NEGR1: variants seen among roughly 807,000 people sequenced by gnomAD.
NEGR1 encodes the protein IgLON family member 4.
NEGR1 carries 10 observed loss-of-function variants against 40.9 expected under a neutral mutation model. The observed-to-expected ratio is 0.24, with a 90% CI of 0.15 to 0.42. The LOEUF (loss-of-function observed/expected upper bound fraction) is 0.42, where lower values mean the gene tolerates loss of function less well. NEGR1 is among the 10% of genes least tolerant of loss of function. The pLI is 1.00. For synonymous variants in NEGR1, 185 were observed against 166.8 expected (o/e 1.11, Z -0.84); for missense variants, 352 against 438.9 (o/e 0.80, Z 1.77).
chr1:71,638,679 T>G (rs1054615731), intron 4 of NEGR1, among the ~76,000 whole-genome samples: 1 of 152,026 alleles, frequency 6.6e-6, no homozygotes, highest in East Asian at 1.9e-4. Context: ...AGAAGTAAGG[T>G]GTCTAAGGTC....
At chr1:71,666,679 TTTG>T (rs753048624) in intron 4 of NEGR1, among the ~76,000 whole-genome samples, 6 of 152,178 alleles carry the variant, frequency 3.9e-5, no homozygotes, top group Non-Finnish European at 7.4e-5. Flanking sequence ...TCACTCTCCT[TTTG>T]TTCTGTAAAT....
chr1:71,636,870 C>T (rs1321040680), intron 4 of NEGR1, among the ~76,000 whole-genome samples: 1 of 151,938 alleles, frequency 6.6e-6, no homozygotes, highest in African/African-American at 2.4e-5. Flanking sequence ...TTGCCACATA[C>T]CCAAGGTACT....
intron 6 of NEGR1, among the ~76,000 whole-genome samples, chr1:71,528,686 T>G (rs981168050): frequency 1.3e-5 from 2 of 151,320 alleles, no homozygotes; most frequent in African/African-American, 4.8e-5. Context: ...TAAATTCTGT[T>G]TTTTCAAAAA....
At chr1:71,416,449 C>A (rs770732801) in intron 6 of NEGR1, among the ~76,000 whole-genome samples, 1 of 151,974 alleles carries the variant, frequency 6.6e-6, no homozygotes, top group South Asian at 2.1e-4. Context: ...TTTGAATATT[C>A]CATTTACCTT....
At chr1:72,042,765 G>T (rs986275858) in intron 1 of NEGR1, among the ~76,000 whole-genome samples, 1 of 151,956 alleles carries the variant, frequency 6.6e-6, no homozygotes, top group African/African-American at 2.4e-5. Flanking sequence ...AGATGTAGTA[G>T]GACACATTAG....
chr1:71,537,364 C>T (rs1409500539), intron 6 of NEGR1, among the ~76,000 whole-genome samples: 2 of 151,612 alleles, frequency 1.3e-5, no homozygotes, highest in African/African-American at 2.4e-5. Flanking sequence ...TCTATAATTA[C>T]TTAAATGGGG....
intron 4 of NEGR1, among the ~76,000 whole-genome samples, chr1:71,624,764 C>T (rs114555573): frequency 0.026 from 3,889 of 152,036 alleles, 107 homozygotes; most frequent in Admixed American, 0.071. Flanking sequence ...GAGGTGCTCC[C>T]TGACCTCCTA....
intron 2 of NEGR1, among the ~76,000 whole-genome samples, chr1:71,844,187 TA>T (rs1659329317): frequency 6.6e-6 from 1 of 152,144 alleles, no homozygotes; most frequent in Non-Finnish European, 1.5e-5. Flanking sequence ...GGTATACCAT[TA>T]ATCAAACTAA....
Position 71,596,105 on chromosome 1 carries a change from C to T in NEGR1, c.789-3137G>A, listed in dbSNP as rs1019605162. ...TAGAGCTCGGAGTTAAATATGACAT[C>T]CATTTCTTCAGCATAGATCAGTACT... On this transcript the variant is annotated intron_variant, in intron 5 of 6. Coordinates refer to ENST00000357731, the MANE Select transcript of NEGR1 (RefSeq NM_173808.3). Among the ~76,000 whole-genome samples, 7 of 149,526 alleles carry T rather than the reference C, an allele frequency of 4.7e-5. No homozygotes were observed. The East Asian group carries it at 9.8e-4, about 21-fold the overall frequency.
chr1:72,173,141 G>T (rs905960400), intron 1 of NEGR1, among the ~76,000 whole-genome samples: 1 of 151,066 alleles, frequency 6.6e-6, no homozygotes, highest in Non-Finnish European at 1.5e-5. Context: ...CAAGTAGCTG[G>T]GACTACAGGT....
intron 3 of NEGR1, among the ~76,000 whole-genome samples, chr1:71,736,617 A>G (rs1185385715): frequency 1.3e-5 from 2 of 152,154 alleles, no homozygotes; most frequent in African/African-American, 4.8e-5. Flanking sequence ...TCCTCAAGTC[A>G]TGAAGTAATC....
At chr1:72,017,167 G>C (rs1374327136) in intron 1 of NEGR1, among the ~76,000 whole-genome samples, 1 of 149,510 alleles carries the variant, frequency 6.7e-6, no homozygotes, top group Non-Finnish European at 1.5e-5. Context: ...TAAACCAAAG[G>C]GAGCTTAAAG....
intron 2 of NEGR1, among the ~76,000 whole-genome samples, chr1:71,931,051 C>T (rs1359205423): frequency 6.6e-6 from 1 of 152,150 alleles, no homozygotes; most frequent in Non-Finnish European, 1.5e-5. Flanking sequence ...ACTACACTCC[C>T]AGGTTCTAGA....
intron 1 of NEGR1, among the ~76,000 whole-genome samples, chr1:72,179,423 G>A (rs934963493): frequency 3.3e-5 from 5 of 152,042 alleles, no homozygotes; most frequent in African/African-American, 1.2e-4. Context: ...GCAGTTATTT[G>A]TTACATAGTA....
At chr1:71,623,467 C>G (rs896493569) in intron 4 of NEGR1, among the ~76,000 whole-genome samples, 1 of 151,908 alleles carries the variant, frequency 6.6e-6, no homozygotes, top group Non-Finnish European at 1.5e-5. Context: ...AACCAGTGTG[C>G]TTTATCCATG....
chr1:71,919,940 C>T (rs1645687614), intron 2 of NEGR1, among the ~76,000 whole-genome samples: 1 of 152,160 alleles, frequency 6.6e-6, no homozygotes, highest in African/African-American at 2.4e-5. Flanking sequence ...CCCCTGGCAG[C>T]TTCTTAATCT....
At chr1:71,829,131 G>A (rs932928931) in intron 2 of NEGR1, among the ~76,000 whole-genome samples, 9 of 152,002 alleles carry the variant, frequency 5.9e-5, no homozygotes, top group African/African-American at 2.2e-4. Context: ...TGAGTTTGCA[G>A]GATATAGGAG....
intron 2 of NEGR1, among the ~76,000 whole-genome samples, chr1:71,843,540 T>C (rs1331721459): frequency 6.6e-6 from 1 of 152,126 alleles, no homozygotes; most frequent in Non-Finnish European, 1.5e-5. Flanking sequence ...CTCTATCTGT[T>C]CCTAGTGTTA....
rs56382019 is a variant in NEGR1 at position 71,730,569 on chromosome 1, T to TTATATATATATATA, written c.536-32444_536-32431dup. The stretch of plus-strand genomic sequence containing the variant: ...TTATATGTGTATATATAGTATAAAT[T>TTATATATATATATA]TATATATATATATATATATATATAA... On this transcript the variant is annotated intron_variant, in intron 3 of 6. Coordinates refer to ENST00000357731, the MANE Select transcript of NEGR1 (RefSeq NM_173808.3). Among the ~76,000 whole-genome samples the TTATATATATATATA allele has an allele frequency of 6.4e-3, 856 of 134,654 alleles. 6 individuals carry two copies. Among genetic ancestry groups the TTATATATATATATA allele is most frequent in the East Asian group, 0.021 (91 of 4,410 alleles). 88.3% of individuals were successfully genotyped at this position (134,654 alleles called of 152,430 possible). A position where few individuals can be genotyped will look rare whatever the true frequency, so the allele number is the denominator to read the frequency against.
Sources: gnomAD v4.1 joint callset for allele counts (sites outside exome capture counted in the v4.1 genomes callset) on GRCh38, gnomAD v4.1.1 for gene constraint, MANE v1.5 for transcripts, NCBI Gene and HGNC (gene_info 2026-07-23, HGNC 2026-07-21) for gene names.